The following RHOA variants were observed in gnomAD, a reference collection of about 807,000 sequenced individuals.
RHOA encodes transforming protein RhoA.
In RHOA, 3 loss-of-function variants were observed where a neutral mutation model predicts 17.5. The observed-to-expected ratio is 0.17, with a 90% CI of 0.08 to 0.44. The LOEUF (loss-of-function observed/expected upper bound fraction) is 0.44. RHOA is among the 20% of genes least tolerant of loss of function. The pLI is 0.99. For missense variants in RHOA, 56 were observed against 242.3 expected (o/e 0.23, Z 5.10); for synonymous variants, 98 against 88.4 (o/e 1.11, Z -0.61).
At chr3:49,368,299 G>T in intron 3 of RHOA, 129 bp downstream of exon 3, 2 of 1,186,774 alleles carry the variant, frequency 1.7e-6, no homozygotes, top group Non-Finnish European at 2.4e-6. Context: ...CCAAACTCCA[G>T]GACTCCGGCC....
intron 1 of RHOA, among the ~76,000 whole-genome samples, chr3:49,403,634 G>C (rs1414177378): frequency 1.3e-5 from 2 of 152,074 alleles, no homozygotes; most frequent in Non-Finnish European, 2.9e-5. Flanking sequence ...GGCTAAAGCA[G>C]AGAATTCTTG....
intron 1 of RHOA, among the ~76,000 whole-genome samples, chr3:49,393,594 GCTTTT>G (rs1215388482): frequency 1.7e-5 from 2 of 118,130 alleles, no homozygotes; most frequent in African/African-American, 3.3e-5. Flanking sequence ...CACTGCACTG[GCTTTT>G]TTTTTTTTTT....
chr3:49,399,783 T>G (rs1559516213), intron 1 of RHOA, among the ~76,000 whole-genome samples: 1 of 152,162 alleles, frequency 6.6e-6, no homozygotes. Flanking sequence ...TGTTTGAATT[T>G]ACCAAATAAA....
chr3:49,406,040 A>G (rs1487702383), intron 1 of RHOA, among the ~76,000 whole-genome samples: 3 of 152,232 alleles, frequency 2.0e-5, no homozygotes, highest in African/African-American at 7.2e-5. Flanking sequence ...TTCATTATGA[A>G]TAACTGGAAA....
chr3:49,363,628 G>C (rs748790011), intron 3 of RHOA, among the ~76,000 whole-genome samples: 4 of 151,932 alleles, frequency 2.6e-5, no homozygotes, highest in Non-Finnish European at 5.9e-5. Context: ...TAGGTGGGTG[G>C]ATCACCAGAG....
chr3:49,363,415 C>A (rs1295970362), intron 3 of RHOA, among the ~76,000 whole-genome samples: 1 of 151,930 alleles, frequency 6.6e-6, no homozygotes. Context: ...GACTCCGTCT[C>A]AAATAAAAAA....
chr3:49,411,542 G>A (rs1279542914), intron 1 of RHOA, among the ~76,000 whole-genome samples: 1 of 152,104 alleles, frequency 6.6e-6, no homozygotes, highest in Non-Finnish European at 1.5e-5. Context: ...GACCGAGGGC[G>A]GGCAGGCGGG....
intron 2 of RHOA, among the ~76,000 whole-genome samples, chr3:49,370,216 C>T (rs190540285): frequency 6.6e-6 from 1 of 152,268 alleles, no homozygotes; most frequent in Admixed American, 6.5e-5. Context: ...CACTGCACTG[C>T]AGCCTAGGCA....
chr3:49,383,482 T>C (rs925302113), intron 1 of RHOA, among the ~76,000 whole-genome samples: 1 of 152,122 alleles, frequency 6.6e-6, no homozygotes, highest in African/African-American at 2.4e-5. Context: ...CAATATTTGT[T>C]CCAGTATTGA....
intron 1 of RHOA, among the ~76,000 whole-genome samples, chr3:49,401,598 CAT>C (rs1447986255): frequency 6.7e-6 from 1 of 149,742 alleles, no homozygotes; most frequent in Admixed American, 6.7e-5. Flanking sequence ...AAGTTGAAAA[CAT>C]AGAGCTGTTT....
intron 1 of RHOA, among the ~76,000 whole-genome samples, chr3:49,408,140 C>T (rs529374760): frequency 4.3e-4 from 64 of 147,286 alleles, no homozygotes; most frequent in African/African-American, 1.5e-3. Flanking sequence ...GCCCGGACGA[C>T]AGAGTGAGAC....
intron 2 of RHOA, 29 bp downstream of exon 2, chr3:49,375,405 G>T (rs2107848906): frequency 6.3e-7 from 1 of 1,580,876 alleles, no homozygotes; most frequent in Non-Finnish European, 8.6e-7. Flanking sequence ...ATGGAAAATG[G>T]CATCAGTTGT....
intron 1 of RHOA, among the ~76,000 whole-genome samples, chr3:49,386,755 G>A (rs2048401782): frequency 2.0e-5 from 3 of 152,120 alleles, no homozygotes; most frequent in African/African-American, 7.2e-5. Context: ...CACAAACTCA[G>A]TCTCTGATGT....
At chr3:49,367,342 C>CAAAAAAAAAAAA (rs62926260) in intron 3 of RHOA, among the ~76,000 whole-genome samples, 2,047 of 80,228 alleles carry the variant, frequency 0.026, 219 homozygotes, top group East Asian at 0.1. Context: ...GACTCCCTCT[C>CAAAAAAAAAAAA]AAAAAAAAAA....
At chr3:49,367,992 C>A (rs1011072021) in intron 3 of RHOA, among the ~76,000 whole-genome samples, 1 of 151,950 alleles carries the variant, frequency 6.6e-6, no homozygotes, top group Non-Finnish European at 1.5e-5. Context: ...TCACTGCAAT[C>A]TCCACCTACC....
At chr3:49,369,660 G>C (rs956665668) in intron 2 of RHOA, among the ~76,000 whole-genome samples, 2 of 151,738 alleles carry the variant, frequency 1.3e-5, no homozygotes, top group Non-Finnish European at 2.9e-5. Context: ...GCTTGAACTC[G>C]AGAGGCAAAG....
intron 1 of RHOA, among the ~76,000 whole-genome samples, chr3:49,392,403 T>C (rs975080244): frequency 7.9e-5 from 12 of 152,102 alleles, no homozygotes; most frequent in Non-Finnish European, 1.3e-4. Context: ...GATCATACCA[T>C]TGCTCTCCAG....
chr3:49,373,623 C>T (rs1349541022), intron 2 of RHOA, among the ~76,000 whole-genome samples: 1 of 152,032 alleles, frequency 6.6e-6, no homozygotes, highest in Non-Finnish European at 1.5e-5. Context: ...ACCAGCTGGA[C>T]CAACACAAGA....
At chr3:49,394,828 T>C (rs2048585616) in intron 1 of RHOA, among the ~76,000 whole-genome samples, 1 of 152,272 alleles carries the variant, frequency 6.6e-6, no homozygotes, top group African/African-American at 2.4e-5. Flanking sequence ...TCAGATAAGA[T>C]GATATCTGAC....
Sources: allele counts gnomAD v4.1 joint callset (sites outside exome capture counted in the v4.1 genomes callset), GRCh38; gene constraint gnomAD v4.1.1; transcripts MANE v1.5; gene names NCBI Gene and HGNC (gene_info 2026-07-23, HGNC 2026-07-21).